Variants in DAB1 observed in about 807,000 individuals in gnomAD.
DAB1 encodes DAB adaptor protein 1.
Under a neutral mutation model 64.6 loss-of-function variants are expected in DAB1, and 15 were observed. The ratio of observed to expected loss-of-function variants is 0.23; its 90% CI spans 0.16 to 0.36. DAB1 has a LOEUF of 0.36. DAB1 is among the 10% of genes least tolerant of loss of function. The pLI is 1.00. For missense variants in DAB1, 596 were observed against 706.7 expected, an observed-to-expected ratio of 0.84 and a Z score of 1.78; for synonymous variants, 235 against 251.9, an observed-to-expected ratio of 0.93 and a Z score of 0.64.
intron 4 of DAB1, among the ~76,000 whole-genome samples, chr1:57,094,562 C>T (rs966634148): frequency 1.3e-5 from 2 of 152,178 alleles, no homozygotes; most frequent in Non-Finnish European, 2.9e-5. Flanking sequence ...TGAAATCAGC[C>T]CATCCCACTT....
intron 5 of DAB1, among the ~76,000 whole-genome samples, chr1:58,141,781 G>A (rs1322821490): frequency 2.0e-5 from 3 of 152,176 alleles, no homozygotes; most frequent in Non-Finnish European, 2.9e-5. Context: ...TATGGAGTTG[G>A]TAATGGAAGG....
chr1:57,322,865 T>C (rs1025505116), intron 1 of DAB1, among the ~76,000 whole-genome samples: 1 of 152,148 alleles, frequency 6.6e-6, no homozygotes, highest in African/African-American at 2.4e-5. Flanking sequence ...ATTGGCTACA[T>C]CCCAACCAAG....
At chr1:57,811,416 G>A (rs1331091504) in intron 6 of DAB1, among the ~76,000 whole-genome samples, 3 of 152,246 alleles carry the variant, frequency 2.0e-5, no homozygotes, top group African/African-American at 7.2e-5. Context: ...TCTTCCTCCT[G>A]CTCAGCCATG....
intron 4 of DAB1, among the ~76,000 whole-genome samples, chr1:58,280,405 T>C (rs973541322): frequency 3.3e-5 from 5 of 152,256 alleles, no homozygotes; most frequent in African/African-American, 1.2e-4. Flanking sequence ...TTTCCAATTC[T>C]GGTTCAGCCA....
At chr1:57,072,159 C>T in intron 5 of DAB1, 124 bp downstream of exon 5, 2 of 1,070,490 alleles carry the variant, frequency 1.9e-6, no homozygotes, top group Middle Eastern at 3.2e-4. Flanking sequence ...ATGTGAGCAT[C>T]AACTTCAGTG....
chr1:57,750,601 T>C (rs1280859973), intron 6 of DAB1, among the ~76,000 whole-genome samples: 1 of 152,188 alleles, frequency 6.6e-6, no homozygotes, highest in East Asian at 1.9e-4. Flanking sequence ...GTAGTTGAAA[T>C]GAAATCTCTA....
At position 57,035,696 on chromosome 1, in the gene DAB1, T is replaced by C. The variant is rs11206957; in HGVS notation, c.724-9653A>G. ...TAAAGTGGAGTGGGTAATGACATCA[T>C]GGCAAGTTTATTGAGCAGTTTAATT... On this transcript the variant is annotated intron_variant, in intron 9 of 14. Transcript: ENST00000371236. Among the ~76,000 whole-genome samples the C allele has an allele frequency of 2.3e-3, 353 of 152,270 alleles. 2 individuals are homozygous for C. The highest frequency in any genetic ancestry group is 3.6e-3 in the Non-Finnish European group (242 of 68,020).
intron 5 of DAB1, among the ~76,000 whole-genome samples, chr1:58,138,562 A>T (rs1335672142): frequency 6.6e-6 from 1 of 152,130 alleles, no homozygotes; most frequent in South Asian, 2.1e-4. Flanking sequence ...CTGGGATCTG[A>T]TCATGGGGCA....
chr1:57,788,128 G>A (rs931063849), intron 6 of DAB1, among the ~76,000 whole-genome samples: 2 of 152,098 alleles, frequency 1.3e-5, no homozygotes, highest in Non-Finnish European at 2.9e-5. Flanking sequence ...CTAAATATAT[G>A]CTTACCCAAT....
At chr1:57,316,094 C>T (rs1245637068) in intron 1 of DAB1, among the ~76,000 whole-genome samples, 1 of 152,124 alleles carries the variant, frequency 6.6e-6, no homozygotes, top group Non-Finnish European at 1.5e-5. Context: ...TTGTCCAGTC[C>T]TAAACCAGTG....
At chr1:57,101,674 C>T (rs542980717) in intron 4 of DAB1, among the ~76,000 whole-genome samples, 2 of 152,326 alleles carry the variant, frequency 1.3e-5, no homozygotes, top group East Asian at 1.9e-4. Flanking sequence ...TCCTTCCACC[C>T]CTCACACATT....
rs1345293593 is a variant in DAB1 at position 57,553,467 on chromosome 1, G to GGAAA, written n.625+96121_625+96124dup. ...GAGAAAGAAAGAAAGAAAGAGAAAG[G>GGAAA]GAAAGAAAGGAAGGAAGGAAGGAAG... On this transcript the variant is annotated intron_variant and non_coding_transcript_variant, in intron 7 of 20. Coordinates refer to the DAB1 transcript ENST00000485760. Among the ~76,000 whole-genome samples, 6 of 12,910 alleles carry GGAAA rather than the reference G, an allele frequency of 4.6e-4. 1 individual carries two copies. The Admixed American group carries it at 5.2e-3, about 11-fold the overall frequency. 8.5% of individuals were successfully genotyped at this position (12,910 alleles called of 152,430 possible). A position where few individuals can be genotyped will look rare whatever the true frequency, so the allele number is the denominator to read the frequency against.
At chr1:57,160,435 A>G (rs1436139538) in intron 2 of DAB1, among the ~76,000 whole-genome samples, 6 of 152,222 alleles carry the variant, frequency 3.9e-5, no homozygotes, top group Non-Finnish European at 8.8e-5. Context: ...TGTAAAGAAA[A>G]GAATGCTGAA....
At chr1:57,640,558 C>T (rs1341812617) in intron 7 of DAB1, among the ~76,000 whole-genome samples, 2 of 152,132 alleles carry the variant, frequency 1.3e-5, no homozygotes, top group Non-Finnish European at 1.5e-5. Context: ...CAAAGCAGGG[C>T]CTCTATCCAC....
At chr1:57,948,026 T>C (rs1645209222) in intron 5 of DAB1, among the ~76,000 whole-genome samples, 1 of 152,182 alleles carries the variant, frequency 6.6e-6, no homozygotes, top group Non-Finnish European at 1.5e-5. Context: ...ATGCCTGTGC[T>C]TATGCTAGCC....
chr1:57,115,361 T>C (rs988722356), intron 4 of DAB1, among the ~76,000 whole-genome samples: 1 of 152,322 alleles, frequency 6.6e-6, no homozygotes, highest in South Asian at 2.1e-4. Flanking sequence ...AGCATGGGGT[T>C]GTCACAGAGA....
chr1:57,038,724 G>A (rs1015202310), intron 9 of DAB1, among the ~76,000 whole-genome samples: 1 of 152,176 alleles, frequency 6.6e-6, no homozygotes, highest in African/African-American at 2.4e-5. Context: ...GCTCACACGT[G>A]TAATATATCC....
intron 7 of DAB1, among the ~76,000 whole-genome samples, chr1:57,561,421 G>A (rs1490288007): frequency 1.3e-5 from 2 of 152,334 alleles, no homozygotes; most frequent in East Asian, 1.9e-4. Flanking sequence ...TTCATGGGCT[G>A]TAGCCAATGG....
Position 58,370,706 on chromosome 1 carries a change from T to C in DAB1, n.258-27303A>G, listed in dbSNP as rs1178573235. Reference sequence around the variant, plus strand: ...AAGGGAAGGACCTAGCGTGAGATGATTGAATCATGGGGCAGTTTCCCCCAT... The same window carrying C: ...AAGGGAAGGACCTAGCGTGAGATGACTGAATCATGGGGCAGTTTCCCCCAT... On this transcript the variant is annotated intron_variant and non_coding_transcript_variant, in intron 3 of 20. Coordinates refer to the DAB1 transcript ENST00000485760. Among the ~76,000 whole-genome samples, 6 of 152,300 alleles carry C rather than the reference T, an allele frequency of 3.9e-5. No homozygotes were observed. The East Asian group carries it at 5.8e-4, about 15-fold the overall frequency.
Sources: allele counts gnomAD v4.1 joint callset (sites outside exome capture counted in the v4.1 genomes callset), GRCh38; gene constraint gnomAD v4.1.1; transcripts MANE v1.5; gene names NCBI Gene and HGNC (gene_info 2026-07-23, HGNC 2026-07-21).